Variants in UBE2R2 observed in about 807,000 individuals in gnomAD.
UBE2R2 encodes ubiquitin conjugating enzyme E2 R2, also known as ubiquitin-conjugating enzyme E2 R2.
Under a neutral mutation model 27.8 loss-of-function variants are expected in UBE2R2, and 1 was observed. The observed-to-expected ratio is 0.04, with a 90% CI of 0.01 to 0.17. The LOEUF (loss-of-function observed/expected upper bound fraction) is 0.17. Among genes scored for constraint, UBE2R2 ranks in the 10% least tolerant of loss-of-function variants. The pLI is 1.00. For synonymous variants in UBE2R2, 106 were observed against 113.3 expected (o/e 0.94, Z 0.41); for missense variants, 100 against 291.0 (o/e 0.34, Z 4.78).
intron 2 of UBE2R2, among the ~76,000 whole-genome samples, chr9:33,894,305 G>A (rs959359359): frequency 5.9e-5 from 9 of 152,202 alleles, no homozygotes; most frequent in African/African-American, 2.2e-4. Context: ...GCTATCCTAA[G>A]TGGGTGTAAA....
chr9:33,826,566 C>T (rs1820319078), intron 1 of UBE2R2, among the ~76,000 whole-genome samples: 1 of 152,034 alleles, frequency 6.6e-6, no homozygotes, highest in Non-Finnish European at 1.5e-5. Flanking sequence ...GGCATGGTGG[C>T]ACGTGCCTGT....
rs541471495 is a variant in UBE2R2, at chr9:33,817,698, C to T, written c.-60C>T. ...GCGGAGGGGAGGGGCCTGGTCCGGC[C>T]CGGCCGGTGCGTGAGGACTGGGGCC... On this transcript the variant is annotated 5_prime_UTR_variant, in exon 1 of 5. Transcript: ENST00000263228. The T allele has an allele frequency of 2.1e-5, 28 of 1,337,794 alleles. No homozygotes were observed. Among genetic ancestry groups the T allele is most frequent in the Admixed American group, 4.2e-5 (1 of 23,692 alleles). The allele number at this position is 1,337,794 out of a possible 1,614,324, so 82.9% of individuals were successfully genotyped here.
Position 33,844,628 on chromosome 9 carries a change from GTTGTTCCAAACATTCAT to G in UBE2R2, c.177+26696_177+26712del. 1.4e-5 allele frequency among the ~76,000 whole-genome samples: 2 copies of G among 148,088 alleles called. 1 individual carries two copies. Among genetic ancestry groups the G allele is most frequent in the East Asian group, 4.0e-4 (2 of 4,970 alleles). On this transcript the variant is annotated intron_variant, in intron 1 of 4. Transcript: ENST00000263228. ...CAAGTTTGAAAATATTCTTGGTGGT[GTTGTTCCAAACATTCAT>G]TAGAGAGGCTAATTATTCAGTCACT...
chr9:33,824,802 C>CAAA (rs1172352568), intron 1 of UBE2R2, among the ~76,000 whole-genome samples: 8 of 77,052 alleles, frequency 1.0e-4, no homozygotes, highest in African/African-American at 3.5e-4. Flanking sequence ...AGCTCTGTCT[C>CAAA]AAAAAAAAAA....
At chr9:33,827,469 TGTCTCAACTAAA>T (rs1820340204) in intron 1 of UBE2R2, among the ~76,000 whole-genome samples, 1 of 151,800 alleles carries the variant, frequency 6.6e-6, no homozygotes, top group African/African-American at 2.4e-5. Flanking sequence ...GGCGAAACGC[TGTCTCAACTAAA>T]AATACAAAAA....
At position 33,824,944 on chromosome 9, in the gene UBE2R2, C is replaced by A. The variant is rs1292478068; in HGVS notation, c.177+7010C>A. On this transcript the variant is annotated intron_variant, in intron 1 of 4. Transcript: ENST00000263228. Reference sequence around the variant, plus strand: ...TTTTTTTAAATACCAGTTTCAATGTCATAGATTTGCTAAAATAAGGATTAT... The same window carrying A: ...TTTTTTTAAATACCAGTTTCAATGTAATAGATTTGCTAAAATAAGGATTAT... Among the ~76,000 whole-genome samples the A allele has an allele frequency of 2.0e-5, 3 of 151,734 alleles. No homozygotes were observed. In the South Asian group the frequency reaches 6.2e-4, roughly 31 times the overall value.
chr9:33,908,373 G>A (rs895848605), intron 3 of UBE2R2, among the ~76,000 whole-genome samples: 1 of 152,178 alleles, frequency 6.6e-6, no homozygotes, highest in African/African-American at 2.4e-5. Context: ...TTCAGCACTT[G>A]CTTGGTCTTA....
At chr9:33,916,888 A>T (rs1822658252) in intron 4 of UBE2R2, 130 bp from the exon 5 acceptor site, 1 of 1,385,638 alleles carries the variant, frequency 7.2e-7, no homozygotes. Context: ...GGTATCTGTC[A>T]GATGCTTTCA....
intron 1 of UBE2R2, among the ~76,000 whole-genome samples, chr9:33,854,777 G>A (rs141851168): frequency 6.7e-6 from 1 of 150,300 alleles, no homozygotes; most frequent in Non-Finnish European, 1.5e-5. Flanking sequence ...GGAGTGCAGT[G>A]GCATGATCAC....
intron 1 of UBE2R2, among the ~76,000 whole-genome samples, chr9:33,858,829 G>A (rs1821162029): frequency 6.6e-6 from 1 of 151,882 alleles, no homozygotes; most frequent in Non-Finnish European, 1.5e-5. Context: ...GTTTTGTTTT[G>A]TTTTGTTTTG....
chr9:33,877,905 G>C (rs1368057052), intron 1 of UBE2R2, among the ~76,000 whole-genome samples: 1 of 149,048 alleles, frequency 6.7e-6, no homozygotes, highest in Admixed American at 6.8e-5. Context: ...ACAGGCAACT[G>C]CCATCACGCC....
At chr9:33,905,106 T>C (rs1587481260) in intron 3 of UBE2R2, among the ~76,000 whole-genome samples, 1 of 152,204 alleles carries the variant, frequency 6.6e-6, no homozygotes, top group East Asian at 1.9e-4. Flanking sequence ...CTATCTGCTA[T>C]AGGCTCTGGG....
chr9:33,919,320 A>G lies in UBE2R2; in HGVS notation c.*2083A>G, dbSNP rs41298161. 3 of 152,056 alleles carry G rather than the reference A, an allele frequency of 2.0e-5. No individual in the cohort carries two copies. Among genetic ancestry groups the G allele is most frequent in the African/African-American group, 4.8e-5 (2 of 41,484 alleles). 9.4% of individuals were successfully genotyped at this position (152,056 alleles called of 1,614,324 possible). A position where few individuals can be genotyped will look rare whatever the true frequency, so the allele number is the denominator to read the frequency against. ...CAAAATGCCCCCAAACCCCCATGCA[A>G]GTTTACAGCCAGTAGCTTGGTCTTA... On this transcript the variant is annotated 3_prime_UTR_variant, in exon 5 of 5. Coordinates refer to ENST00000263228, the MANE Select transcript of UBE2R2 (RefSeq NM_017811.4).
intron 1 of UBE2R2, among the ~76,000 whole-genome samples, chr9:33,844,369 T>C (rs951599225): frequency 7.9e-5 from 12 of 152,096 alleles, no homozygotes; most frequent in Admixed American, 7.9e-4. Context: ...CATGCCCAGC[T>C]GATTTTGTAT....
intron 1 of UBE2R2, among the ~76,000 whole-genome samples, chr9:33,864,835 C>T (rs2130772125): frequency 6.6e-6 from 1 of 151,928 alleles, no homozygotes; most frequent in South Asian, 2.1e-4. Flanking sequence ...AGCAATTCTC[C>T]CGCCTCAGCC....
chr9:33,848,879 C>T (rs1318507114), intron 1 of UBE2R2, among the ~76,000 whole-genome samples: 1 of 151,846 alleles, frequency 6.6e-6, no homozygotes, highest in Non-Finnish European at 1.5e-5. Flanking sequence ...GCTGGGATTA[C>T]ATGCATGAGC....
intron 4 of UBE2R2, among the ~76,000 whole-genome samples, chr9:33,915,067 T>C (rs1305288954): frequency 6.6e-6 from 1 of 151,202 alleles, no homozygotes; most frequent in Non-Finnish European, 1.5e-5. Flanking sequence ...GAGCCAGAGG[T>C]TGCAATGAGC....
intron 1 of UBE2R2, among the ~76,000 whole-genome samples, chr9:33,859,416 A>T (rs894872471): frequency 2.0e-5 from 3 of 152,172 alleles, no homozygotes; most frequent in Non-Finnish European, 4.4e-5. Flanking sequence ...CCTGCCTGAT[A>T]GTTTTAGATC....
At chr9:33,816,454 A>G (rs1330723112), upstream of UBE2R2, among the ~76,000 whole-genome samples, 4 of 152,210 alleles carry the variant, frequency 2.6e-5, no homozygotes, top group Non-Finnish European at 5.9e-5. Context: ...CTTGCCCCAA[A>G]TCACAATGAG....
Sources: gnomAD v4.1 joint callset for allele counts (sites outside exome capture counted in the v4.1 genomes callset) on GRCh38, gnomAD v4.1.1 for gene constraint, MANE v1.5 for transcripts, NCBI Gene and HGNC (gene_info 2026-07-23, HGNC 2026-07-21) for gene names.